Variants in ZKSCAN1 observed in about 807,000 individuals in gnomAD.
ZKSCAN1 encodes zinc finger protein with KRAB and SCAN domains 1.
Under a neutral mutation model 51.6 loss-of-function variants are expected in ZKSCAN1, and 14 were observed. The ratio of observed to expected loss-of-function variants is 0.27; its 90% confidence interval spans 0.18 to 0.42. The LOEUF is 0.42. Among genes scored for constraint, ZKSCAN1 ranks in the 10% least tolerant of loss-of-function variants. The probability of loss-of-function intolerance (pLI) is 1.00; values close to 1 mark genes in which losing one functional copy is unlikely to be tolerated. For missense variants in ZKSCAN1, 531 were observed against 710.0 expected, an observed-to-expected ratio of 0.75 and a Z score of 2.86; for synonymous variants, 263 against 261.5, an observed-to-expected ratio of 1.01 and a Z score of -0.06.
chr7:100,041,322 A>C lies in ZKSCAN1; in HGVS notation c.*7125A>C. On this transcript the variant is annotated 3_prime_UTR_variant, in exon 6 of 6. Transcript: ENST00000324306. ...ATGCTTGGTAGATGTTCAATACGTG[A>C]TTTTTTTTTTAATTGAATGTGTTCA... The C allele has an allele frequency of 1.1e-6, 1 of 939,412 alleles. No individual in the cohort carries two copies. The highest frequency in any genetic ancestry group is 4.9e-5 in the South Asian group (1 of 20,338). The allele number at this position is 939,412 out of a possible 1,614,324, so 58.2% of individuals were successfully genotyped here.
intron 1 of ZKSCAN1, among the ~76,000 whole-genome samples, chr7:100,021,669 C>T (rs1790592145): frequency 6.6e-6 from 1 of 151,574 alleles, no homozygotes; most frequent in Non-Finnish European, 1.5e-5. Context: ...TCATCTGTGC[C>T]ATTTTCTTCT....
chr7:100,043,614 A>G (rs144294757), downstream of ZKSCAN1, among the ~76,000 whole-genome samples: 25 of 151,286 alleles, frequency 1.7e-4, no homozygotes, highest in East Asian at 1.4e-3. Context: ...GCCTCAAGCA[A>G]TCCTCCCACC....
downstream of ZKSCAN1, among the ~76,000 whole-genome samples, chr7:100,042,338 AG>A (rs372271851): frequency 2.2e-5 from 3 of 139,112 alleles, no homozygotes; most frequent in Non-Finnish European, 4.6e-5. Flanking sequence ...AAAAAAAAAA[AG>A]GTGAACTGGG....
chr7:100,017,371 T>C (rs1481225819), intron 1 of ZKSCAN1, among the ~76,000 whole-genome samples: 2 of 152,170 alleles, frequency 1.3e-5, no homozygotes, highest in Non-Finnish European at 2.9e-5. Context: ...TACAGGCATG[T>C]GTCCCAAGGC....
At chr7:100,017,616 A>G (rs2115803384) in intron 1 of ZKSCAN1, among the ~76,000 whole-genome samples, 1 of 152,352 alleles carries the variant, frequency 6.6e-6, no homozygotes, top group South Asian at 2.1e-4. Context: ...GTTGTTTAAG[A>G]AAATCATTTC....
rs1461383942 is a variant in ZKSCAN1, at chr7:100,030,145, C to T, written c.673-104C>T. 4.6e-6 allele frequency: 7 copies of T among 1,523,774 alleles called. No homozygotes were observed. The East Asian group carries it at 9.1e-5, about 20-fold the overall frequency. 94.4% of individuals were successfully genotyped at this position (1,523,774 alleles called of 1,614,324 possible). A position where few individuals can be genotyped will look rare whatever the true frequency, so the allele number is the denominator to read the frequency against. On this transcript the variant is annotated intron_variant, in intron 4 of 5. Coordinates refer to ENST00000324306, the MANE Select transcript of ZKSCAN1 (RefSeq NM_003439.4). ...GTTCTGGCCACCCTTTTCTTCCCAGCGTCCTGTAGCTTTGCAGCCACCTCT... is the reference window on the plus strand; with the variant it reads ...GTTCTGGCCACCCTTTTCTTCCCAGTGTCCTGTAGCTTTGCAGCCACCTCT...
downstream of ZKSCAN1, among the ~76,000 whole-genome samples, chr7:100,044,411 T>C (rs1389346103): frequency 6.6e-6 from 1 of 152,024 alleles, no homozygotes; most frequent in African/African-American, 2.4e-5. Flanking sequence ...CTCACGCCTG[T>C]AATCCCAGCA....
At chr7:100,016,854 T>C (rs970403175) in intron 1 of ZKSCAN1, 2 of 152,222 alleles carry the variant, frequency 1.3e-5, no homozygotes, top group Non-Finnish European at 2.9e-5. Context: ...ACTGTTAGTA[T>C]ATATGCTGAA....
In ZKSCAN1 at chr7:100,029,919, G is replaced by C. The variant is rs375809840; in HGVS notation, c.639G>C (p.Ala213=). ...PPHEGSPRDQ[A]MASALFTADS... The stretch of plus-strand genomic sequence containing the variant: ...ATGAGGGTAGTCCCAGAGACCAGGC[G>C]ATGGCATCTGCACTATTCACAGCGG... The change falls in exon 4 of 6, where the codon GCG becomes GCC. Residue 213 remains alanine (A), a synonymous_variant. Coordinates refer to ENST00000324306, the MANE Select transcript of ZKSCAN1 (RefSeq NM_003439.4). 8 of 1,613,998 alleles carry C rather than the reference G, an allele frequency of 5.0e-6. No homozygotes were observed. In the African/African-American group the frequency reaches 6.7e-5, roughly 13 times the overall value.
chr7:100,041,230 C>A lies in ZKSCAN1; in HGVS notation c.*7033C>A, dbSNP rs1310598604. 1.2e-6 allele frequency: 1 copy of A among 822,570 alleles called. No homozygotes were observed. The highest frequency in any genetic ancestry group is 6.2e-5 in the Admixed American group (1 of 16,036). The allele number at this position is 822,570 out of a possible 1,614,324, so 51.0% of individuals were successfully genotyped here. A position where few individuals can be genotyped will look rare whatever the true frequency, so the allele number is the denominator to read the frequency against. ...GAAGAAACGTGCTTGTCTCTGTATA[C>A]CCGCAGAATGAAGTTACTGTTGTTA... On this transcript the variant is annotated 3_prime_UTR_variant, in exon 6 of 6. Transcript: ENST00000324306.
In ZKSCAN1 at chr7:100,037,870, A is replaced by T. The variant is rs1391116742; in HGVS notation, c.*3673A>T. ...GTCTCTACTAAAAATACAAAAAAAA[A>T]TTAGCTGGGCACAGTGGCGCACGCC... is the stretch of plus-strand genomic sequence containing the variant. On this transcript the variant is annotated 3_prime_UTR_variant, in exon 6 of 6. Coordinates refer to ENST00000324306, the MANE Select transcript of ZKSCAN1 (RefSeq NM_003439.4). 7.5e-6 allele frequency: 5 copies of T among 670,454 alleles called. No homozygotes were observed. The highest frequency in any genetic ancestry group is 3.9e-5 in the African/African-American group (2 of 50,870). 41.5% of individuals were successfully genotyped at this position (670,454 alleles called of 1,614,324 possible). A position where few individuals can be genotyped will look rare whatever the true frequency, so the allele number is the denominator to read the frequency against.
At position 100,033,957 on chromosome 7, in the gene ZKSCAN1, G is replaced by C. The variant is rs184051052; in HGVS notation, c.1452G>C (p.Thr484=). The C allele has an allele frequency of 6.2e-7, 1 of 1,614,074 alleles. No individual in the cohort carries two copies. Among genetic ancestry groups the C allele is most frequent in the East Asian group, 2.2e-5 (1 of 44,882 alleles). Residue 484 remains threonine (T), a synonymous_variant, in exon 6 of 6, where the codon ACG becomes ACC. Coordinates refer to ENST00000324306, the MANE Select transcript of ZKSCAN1 (RefSeq NM_003439.4). The surrounding 1 kb of genome is among the most constrained non-coding windows in gnomAD (Gnocchi z 4.1). Reference sequence around the variant, plus strand: ...TCACCAAGCATCAGAGAATTCACACGGGGGAGAAACCCTATGAATGTAGTG... The same window carrying C: ...TCACCAAGCATCAGAGAATTCACACCGGGGAGAAACCCTATGAATGTAGTG... The part of the protein sequence containing the change: ...SDLTKHQRIH[T]GEKPYECSEC...
chr7:100,034,518 G>A lies in ZKSCAN1; in HGVS notation c.*321G>A, dbSNP rs760861079. 145 of 1,051,044 alleles carry A rather than the reference G, an allele frequency of 1.4e-4. No homozygotes were observed. The highest frequency in any genetic ancestry group is 8.8e-4 in the Middle Eastern group (2 of 2,278). The allele number at this position is 1,051,044 out of a possible 1,614,324, so 65.1% of individuals were successfully genotyped here. The stretch of plus-strand genomic sequence containing the variant: ...ACCTTTAAGGCACTCTTGGACTCTC[G>A]GCAACCACAACATAATAGTTGAAAG... On this transcript the variant is annotated 3_prime_UTR_variant, in exon 6 of 6. Coordinates refer to ENST00000324306, the MANE Select transcript of ZKSCAN1 (RefSeq NM_003439.4).
chr7:100,039,436 C>A lies in ZKSCAN1; in HGVS notation c.*5239C>A. 1.0e-6 allele frequency: 1 copy of A among 985,426 alleles called. No individual in the cohort carries two copies. Among genetic ancestry groups the A allele is most frequent in the South Asian group, 4.7e-5 (1 of 21,286 alleles). The allele number at this position is 985,426 out of a possible 1,614,324, so 61.0% of individuals were successfully genotyped here. A position where few individuals can be genotyped will look rare whatever the true frequency, so the allele number is the denominator to read the frequency against. ...ATTGCAAGAAGTCTGTCTGATGAAG[C>A]TCGGGAAGCATTTTGCAATATTCCC... On this transcript the variant is annotated 3_prime_UTR_variant, in exon 6 of 6. Transcript: ENST00000324306.
At chr7:100,026,625 C>T (rs1471238693) in intron 3 of ZKSCAN1, among the ~76,000 whole-genome samples, 1 of 151,826 alleles carries the variant, frequency 6.6e-6, no homozygotes, top group Non-Finnish European at 1.5e-5. Flanking sequence ...ACTCAGGAGG[C>T]TGAGGCACAA....
In ZKSCAN1 at chr7:100,034,602, G is replaced by C; in HGVS notation, c.*405G>C. The C allele has an allele frequency of 1.0e-6, 1 of 989,918 alleles. No homozygotes were observed. Among genetic ancestry groups the C allele is most frequent in the Non-Finnish European group, 1.2e-6 (1 of 831,718 alleles). The allele number at this position is 989,918 out of a possible 1,614,324, so 61.3% of individuals were successfully genotyped here. A position where few individuals can be genotyped will look rare whatever the true frequency, so the allele number is the denominator to read the frequency against. ...TTAGGATGCTACTTGCTGCAAACAA[G>C]CCCTACTTTGGCCAACATCCTGCTT... On this transcript the variant is annotated 3_prime_UTR_variant, in exon 6 of 6. Coordinates refer to ENST00000324306, the MANE Select transcript of ZKSCAN1 (RefSeq NM_003439.4).
At chr7:100,031,422 C>T (rs1434033447) in intron 5 of ZKSCAN1, among the ~76,000 whole-genome samples, 1 of 151,898 alleles carries the variant, frequency 6.6e-6, no homozygotes, top group Non-Finnish European at 1.5e-5. Flanking sequence ...GGACTACAGG[C>T]ATGCATCACC....
chr7:100,045,343 C>A (rs1791690314), downstream of ZKSCAN1, among the ~76,000 whole-genome samples: 1 of 151,326 alleles, frequency 6.6e-6, no homozygotes, highest in African/African-American at 2.4e-5. Context: ...GTCAGGAGAT[C>A]CAGACCATCC....
chr7:100,035,828 A>G lies in ZKSCAN1; in HGVS notation c.*1631A>G. ...AACTGGCTACCTAGAAGCTGATGGCAGGAGACTGTTTCACACACAGGAGAT... is the reference window on the plus strand; with the variant it reads ...AACTGGCTACCTAGAAGCTGATGGCGGGAGACTGTTTCACACACAGGAGAT... On this transcript the variant is annotated 3_prime_UTR_variant, in exon 6 of 6. Transcript: ENST00000324306. 2.0e-6 allele frequency: 2 copies of G among 985,414 alleles called. No homozygotes were observed. Among genetic ancestry groups the G allele is most frequent in the Non-Finnish European group, 2.4e-6 (2 of 829,938 alleles). 61.0% of individuals were successfully genotyped at this position (985,414 alleles called of 1,614,324 possible).
Sources: gnomAD v4.1 joint callset for allele counts (sites outside exome capture counted in the v4.1 genomes callset) on GRCh38, gnomAD v4.1.1 for gene constraint, Gnocchi (gnomAD v3.1) non-coding constraint, MANE v1.5 for transcripts, NCBI Gene and HGNC (gene_info 2026-07-23, HGNC 2026-07-21) for gene names.